CSMD1: variants seen among roughly 807,000 people sequenced by gnomAD.
CSMD1 encodes CUB and sushi domain-containing protein 1.
A neutral mutation model predicts 417.5 loss-of-function variants in CSMD1; 213 were observed. The ratio of observed to expected loss-of-function variants is 0.51; its 90% CI spans 0.46 to 0.57. The LOEUF is 0.57. Among genes scored for constraint, CSMD1 ranks in the 20% least tolerant of loss-of-function variants. The pLI is 0.00. For missense variants in CSMD1, 6,923 were observed against 4,529.7 expected (o/e 1.53, Z -15.17); for synonymous variants, 2,862 against 1,736.8 (o/e 1.65, Z -16.11).
intron 12 of CSMD1, among the ~76,000 whole-genome samples, chr8:3,433,206 G>C (rs577152295): frequency 6.6e-6 from 1 of 152,180 alleles, no homozygotes; most frequent in Non-Finnish European, 1.5e-5. Context: ...CAACTTTTGT[G>C]GAACTACAGT....
chr8:4,078,926 TA>T (rs1799978684), intron 3 of CSMD1, among the ~76,000 whole-genome samples: 1 of 25,884 alleles, frequency 3.9e-5, no homozygotes, highest in African/African-American at 7.3e-5. Flanking sequence ...TATATATATA[TA>T]TATATATATA....
At chr8:3,996,730 A>G (rs1320616095) in intron 5 of CSMD1, among the ~76,000 whole-genome samples, 2 of 152,212 alleles carry the variant, frequency 1.3e-5, no homozygotes, top group Non-Finnish European at 2.9e-5. Flanking sequence ...TCTAGGTAGA[A>G]TTTGTTTGGT....
At chr8:3,201,797 GAA>G in intron 31 of CSMD1, 72 bp from the exon 32 acceptor site, 1 of 804,514 alleles carries the variant, frequency 1.2e-6, no homozygotes, top group Non-Finnish European at 2.0e-6. Context: ...TGATTTCACT[GAA>G]TATCTATTAA....
At chr8:3,897,947 C>G (rs556559257) in intron 5 of CSMD1, among the ~76,000 whole-genome samples, 2 of 152,222 alleles carry the variant, frequency 1.3e-5, no homozygotes, top group Admixed American at 6.5e-5. Context: ...TATATAATCA[C>G]CAAATGAAGA....
chr8:4,989,790 G>C (rs1291918913), intron 1 of CSMD1, among the ~76,000 whole-genome samples: 3 of 152,152 alleles, frequency 2.0e-5, no homozygotes, highest in South Asian at 2.1e-4. Context: ...CACTGGGTTT[G>C]CTGTATCGTC....
intron 3 of CSMD1, among the ~76,000 whole-genome samples, chr8:4,131,889 T>C (rs1231829866): frequency 1.3e-5 from 2 of 148,960 alleles, no homozygotes; most frequent in African/African-American, 4.9e-5. Flanking sequence ...TAGTCTCCCA[T>C]GTAGCTGGGA....
At chr8:3,682,926 G>C (rs1469511530) in intron 7 of CSMD1, among the ~76,000 whole-genome samples, 2 of 152,048 alleles carry the variant, frequency 1.3e-5, no homozygotes, top group Non-Finnish European at 2.9e-5. Flanking sequence ...ATCATTCTCA[G>C]CAAACTATCT....
Position 3,610,776 on chromosome 8 carries a change from G to C in CSMD1, c.1097+5934C>G, listed in dbSNP as rs550004822. Among the ~76,000 whole-genome samples, 50 of 152,032 alleles carry C rather than the reference G, an allele frequency of 3.3e-4. No individual in the cohort carries two copies. The South Asian group carries it at 9.8e-3, about 30-fold the overall frequency. On this transcript the variant is annotated intron_variant, in intron 8 of 69. Transcript: ENST00000635120. ...CATACTTAATGCATCTCTTTTTAAG[G>C]TGTGCCCCACAGATGCCTGGAAAGG...
intron 1 of CSMD1, among the ~76,000 whole-genome samples, chr8:4,665,062 G>C (rs1010395266): frequency 2.0e-5 from 3 of 152,158 alleles, no homozygotes; most frequent in East Asian, 1.9e-4. Flanking sequence ...TTGCAGAAAA[G>C]GTATTAGTTT....
In CSMD1 at chr8:3,493,643, G is replaced by A. The variant is rs752764404; in HGVS notation, c.1428C>T (p.Asp476=). The A allele has an allele frequency of 5.6e-6, 9 of 1,611,162 alleles. No homozygotes were observed. Among genetic ancestry groups the A allele is most frequent in the Middle Eastern group, 1.7e-4 (1 of 6,060 alleles). The change falls in exon 11 of 70, where the codon GAC becomes GAT. Residue 476 remains aspartate (D), a synonymous_variant. Transcript: ENST00000635120. The part of the protein sequence containing the change: ...LTVGDAGKVG[D]TRSVLYVLTG... ...CTCACACGTACAAGACCGATCTGGT[G>A]TCTCCCACCTTCCCAGCATCACCAA...
chr8:3,364,720 G>A (rs912047923), intron 20 of CSMD1, among the ~76,000 whole-genome samples: 7 of 152,138 alleles, frequency 4.6e-5, no homozygotes, highest in African/African-American at 1.7e-4. Flanking sequence ...ATTACCTTCT[G>A]CCATGTGATG....
intron 3 of CSMD1, among the ~76,000 whole-genome samples, chr8:4,037,795 A>C (rs1295981640): frequency 2.6e-5 from 4 of 152,112 alleles, no homozygotes; most frequent in Non-Finnish European, 5.9e-5. Context: ...GAACCATTCC[A>C]GGTTGGAATT....
At chr8:3,908,728 G>T (rs1046171365) in intron 5 of CSMD1, among the ~76,000 whole-genome samples, 2 of 152,146 alleles carry the variant, frequency 1.3e-5, no homozygotes, top group African/African-American at 4.8e-5. Context: ...AGGTCTCAAA[G>T]ATATTATTAA....
intron 3 of CSMD1, among the ~76,000 whole-genome samples, chr8:4,350,888 A>T (rs1192969754): frequency 6.6e-6 from 1 of 152,202 alleles, no homozygotes; most frequent in Non-Finnish European, 1.5e-5. Flanking sequence ...AGGGGAAAGG[A>T]TGTGCATTCT....
chr8:4,448,620 A>G (rs1798953057), intron 2 of CSMD1, among the ~76,000 whole-genome samples: 1 of 152,198 alleles, frequency 6.6e-6, no homozygotes, highest in South Asian at 2.1e-4. Flanking sequence ...AATAAATGTA[A>G]TGGTGGGAAA....
intron 3 of CSMD1, among the ~76,000 whole-genome samples, chr8:4,201,887 TGG>T (rs5741962): frequency 9.4e-5 from 12 of 127,824 alleles, no homozygotes; most frequent in Admixed American, 3.0e-4. Context: ...ATGGAAATTT[TGG>T]GGGGGGGGGG....
At chr8:3,489,170 G>A (rs534212831) in intron 11 of CSMD1, among the ~76,000 whole-genome samples, 33 of 152,140 alleles carry the variant, frequency 2.2e-4, no homozygotes, top group Non-Finnish European at 4.0e-4. Flanking sequence ...GAAAACAACA[G>A]GGAGAAATGA....
At chr8:4,436,783 G>C (rs1163880057) in intron 2 of CSMD1, among the ~76,000 whole-genome samples, 1 of 152,028 alleles carries the variant, frequency 6.6e-6, no homozygotes, top group African/African-American at 2.4e-5. Context: ...TTCTCTTTCA[G>C]TGCCTACCTT....
rs145289102 is a variant in CSMD1, at chr8:4,790,645, T to C, written c.86-153087A>G. 4.5e-4 allele frequency among the ~76,000 whole-genome samples: 69 copies of C among 152,134 alleles called. 1 individual carries two copies. The highest frequency in any genetic ancestry group is 1.6e-3 in the African/African-American group (66 of 41,514). ...GTACAAAAGCAGACACATAGACCAATGCAACAGGTTACAGAACCCAGAAAT... is the reference window on the plus strand; with the variant it reads ...GTACAAAAGCAGACACATAGACCAACGCAACAGGTTACAGAACCCAGAAAT... On this transcript the variant is annotated intron_variant, in intron 1 of 69. Transcript: ENST00000635120.
Sources: gnomAD v4.1 joint callset for allele counts (sites outside exome capture counted in the v4.1 genomes callset) on GRCh38, gnomAD v4.1.1 for gene constraint, MANE v1.5 for transcripts, NCBI Gene and HGNC (gene_info 2026-07-23, HGNC 2026-07-21) for gene names.